FBXL13: variants seen among roughly 807,000 people sequenced by gnomAD.
FBXL13 encodes F-box and leucine rich repeat protein 13, also known as F-box and leucine-rich repeat protein 13.
FBXL13 carries 67 observed loss-of-function variants against 83.6 expected under a neutral mutation model. That is an observed-to-expected ratio of 0.80 (90% confidence interval 0.66 to 0.98). The LOEUF is 0.98. Ranked by LOEUF, FBXL13 falls within the 50% of genes least tolerant of loss-of-function variation. FBXL13 has a pLI of 0.00. For missense variants in FBXL13, 822 were observed against 866.5 expected (o/e 0.95, Z 0.64); for synonymous variants, 272 against 299.5 (o/e 0.91, Z 0.95).
chr7:102,833,259 G>C (rs1397876257), intron 17 of FBXL13, among the ~76,000 whole-genome samples: 1 of 152,152 alleles, frequency 6.6e-6, no homozygotes, highest in African/African-American at 2.4e-5. Context: ...GGTCAGTAAT[G>C]AGTAGAAGAA....
At chr7:102,905,988 T>G (rs774195977) in intron 11 of FBXL13, among the ~76,000 whole-genome samples, 5 of 152,160 alleles carry the variant, frequency 3.3e-5, no homozygotes, top group Non-Finnish European at 5.9e-5. Context: ...TAATTGGACT[T>G]ACAGTTCCAC....
chr7:102,985,233 A>T (rs1464570192), intron 6 of FBXL13, among the ~76,000 whole-genome samples: 1 of 152,210 alleles, frequency 6.6e-6, no homozygotes, highest in African/African-American at 2.4e-5. Context: ...CCTGGCCAGC[A>T]TGCATCTGGT....
At chr7:102,934,663 A>G (rs777298387) in intron 8 of FBXL13, 4 of 1,590,730 alleles carry the variant, frequency 2.5e-6, no homozygotes, top group Non-Finnish European at 3.4e-6. Flanking sequence ...TTCCCATACA[A>G]ACACTGGACT....
chr7:103,061,182 T>G (rs943210884), intron 1 of FBXL13, among the ~76,000 whole-genome samples: 1 of 151,944 alleles, frequency 6.6e-6, no homozygotes, highest in African/African-American at 2.4e-5. Flanking sequence ...AGGGTTTTTT[T>G]TTTTTGTTTT....
At chr7:102,882,803 A>G (rs1406728249) in intron 14 of FBXL13, among the ~76,000 whole-genome samples, 1 of 151,802 alleles carries the variant, frequency 6.6e-6, no homozygotes, top group Admixed American at 6.6e-5. Context: ...AAAAAAACAG[A>G]ATTTGCTCCT....
At chr7:102,837,541 C>T (rs780568347) in intron 17 of FBXL13, among the ~76,000 whole-genome samples, 3 of 152,158 alleles carry the variant, frequency 2.0e-5, no homozygotes, top group Admixed American at 6.6e-5. Flanking sequence ...GGAAGAGATG[C>T]GCTTTCAAAT....
At chr7:103,031,655 T>C (rs1395523510) in intron 2 of FBXL13, among the ~76,000 whole-genome samples, 1 of 152,178 alleles carries the variant, frequency 6.6e-6, no homozygotes, top group Non-Finnish European at 1.5e-5. Context: ...TGCATCACAA[T>C]ACGATTTCTA....
intron 17 of FBXL13, among the ~76,000 whole-genome samples, chr7:102,848,785 G>A (rs1388181803): frequency 1.3e-5 from 2 of 152,046 alleles, no homozygotes; most frequent in Non-Finnish European, 1.5e-5. Context: ...CCTGAGGTGA[G>A]GTCAGGAGTT....
chr7:102,824,400 T>C (rs1398264129), intron 18 of FBXL13, among the ~76,000 whole-genome samples: 1 of 152,226 alleles, frequency 6.6e-6, no homozygotes, highest in Admixed American at 6.5e-5. Context: ...CATAACTACT[T>C]TTAATGTTCT....
At chr7:102,908,316 T>C (rs576350720) in intron 11 of FBXL13, among the ~76,000 whole-genome samples, 1 of 152,336 alleles carries the variant, frequency 6.6e-6, no homozygotes, top group East Asian at 1.9e-4. Context: ...TTCTTCTCTG[T>C]GTTATCTTGA....
chr7:102,844,216 TATTA>T (rs1225495659), intron 17 of FBXL13, among the ~76,000 whole-genome samples: 1 of 152,250 alleles, frequency 6.6e-6, no homozygotes, highest in Non-Finnish European at 1.5e-5. Context: ...CAGAGTCATT[TATTA>T]ATTATCTTTT....
intron 2 of FBXL13, among the ~76,000 whole-genome samples, chr7:103,039,140 G>A (rs1231739660): frequency 6.6e-6 from 1 of 152,180 alleles, no homozygotes; most frequent in Non-Finnish European, 1.5e-5. Context: ...ACCTGATGGA[G>A]CTGAAAACCA....
At chr7:102,934,513 T>C (rs1194808108) in intron 8 of FBXL13, 3 of 1,612,098 alleles carry the variant, frequency 1.9e-6, no homozygotes, top group Non-Finnish European at 2.5e-6. Context: ...AACAAAAAAA[T>C]AAAAAACTGC....
intron 18 of FBXL13, among the ~76,000 whole-genome samples, chr7:102,830,140 G>T (rs1331450264): frequency 2.0e-5 from 3 of 152,160 alleles, no homozygotes; most frequent in Admixed American, 6.5e-5. Context: ...CTTCTGGGCT[G>T]CAAGACAATA....
chr7:102,833,570 G>C (rs1455787144), intron 17 of FBXL13, among the ~76,000 whole-genome samples: 1 of 151,066 alleles, frequency 6.6e-6, no homozygotes, highest in African/African-American at 2.4e-5. Context: ...GGGACTACAG[G>C]CGTGCACCAC....
Position 103,074,191 on chromosome 7 carries a change from C to A in FBXL13, c.-105+55G>T, listed in dbSNP as rs11976834. The A allele has an allele frequency of 2.5e-3, 2,438 of 977,338 alleles. 51 individuals carry two copies. The African/African-American group carries it at 0.04, about 16-fold the overall frequency. 60.5% of individuals were successfully genotyped at this position (977,338 alleles called of 1,614,324 possible). A position where few individuals can be genotyped will look rare whatever the true frequency, so the allele number is the denominator to read the frequency against. ...AGGTCTCAGCTTCCACTCTTCCCTC[C>A]GCTAACCTCCATCTATTTTCTGCCC... On this transcript the variant is annotated intron_variant, in intron 1 of 19. Transcript: ENST00000313221.
intron 6 of FBXL13, chr7:102,975,895 C>A (rs1469843593): frequency 1.3e-6 from 1 of 750,746 alleles, no homozygotes; most frequent in South Asian, 1.4e-5. Flanking sequence ...CATCAGGGGC[C>A]CTGCAGGCCA....
chr7:103,028,525 TA>T, intron 4 of FBXL13, 74 bp downstream of exon 5: 4 of 1,052,692 alleles, frequency 3.8e-6, no homozygotes, highest in Non-Finnish European at 5.1e-6. Flanking sequence ...GTACCCAAAG[TA>T]TGCTTAACTG....
At chr7:102,879,155 A>G (rs1033343999) in intron 14 of FBXL13, among the ~76,000 whole-genome samples, 6 of 152,196 alleles carry the variant, frequency 3.9e-5, no homozygotes, top group Non-Finnish European at 7.3e-5. Context: ...TCAGCAAATA[A>G]AGCAGGACAG....
Sources: gnomAD v4.1 joint callset for allele counts (sites outside exome capture counted in the v4.1 genomes callset) on GRCh38, gnomAD v4.1.1 for gene constraint, MANE v1.5 for transcripts, NCBI Gene and HGNC (gene_info 2026-07-23, HGNC 2026-07-21) for gene names.